Variants in THSD7B observed in about 807,000 individuals in gnomAD.
THSD7B encodes thrombospondin type 1 domain containing 7B.
THSD7B carries 138 observed loss-of-function variants against 213.6 expected under a neutral mutation model. That is an observed-to-expected ratio of 0.65 (90% confidence interval 0.56 to 0.74). The LOEUF is 0.74. Among genes scored for constraint, THSD7B ranks in the 30% least tolerant of loss-of-function variants. The pLI, the probability that THSD7B is intolerant of heterozygous loss-of-function variation, is 0.00. For synonymous variants in THSD7B, 742 were observed against 687.0 expected, an observed-to-expected ratio of 1.08 and a Z score of -1.25; for missense variants, 1,931 against 1,991.5, an observed-to-expected ratio of 0.97 and a Z score of 0.58.
At chr2:137,569,969 TGTGCAGGCAGGAAGGGAAGC>T (rs1681320775) in intron 16 of THSD7B, among the ~76,000 whole-genome samples, 1 of 152,110 alleles carries the variant, frequency 6.6e-6, no homozygotes, top group South Asian at 2.1e-4. Flanking sequence ...CAGCAGATAG[TGTGCAGGCAGGAAGGGAAGC>T]AATTTCCAGT....
intron 10 of THSD7B, among the ~76,000 whole-genome samples, chr2:137,258,176 TGTA>T (rs1395750956): frequency 6.6e-6 from 1 of 152,252 alleles, no homozygotes; most frequent in African/African-American, 2.4e-5. Flanking sequence ...TTAATTTTAA[TGTA>T]GTTGAATTTA....
At chr2:137,576,305 C>A (rs1339359605) in intron 17 of THSD7B, among the ~76,000 whole-genome samples, 6 of 152,074 alleles carry the variant, frequency 3.9e-5, no homozygotes, top group Admixed American at 1.3e-4. Context: ...ACTTTGCAAA[C>A]CCACTCCAGA....
At chr2:137,408,875 A>T (rs186572255) in intron 13 of THSD7B, among the ~76,000 whole-genome samples, 5 of 152,284 alleles carry the variant, frequency 3.3e-5, no homozygotes, top group Non-Finnish European at 7.4e-5. Context: ...TTTTGATCTG[A>T]AGGAGAAGTA....
chr2:137,125,370 A>C (rs878977375), intron 5 of THSD7B, among the ~76,000 whole-genome samples: 6 of 152,200 alleles, frequency 3.9e-5, no homozygotes, highest in Admixed American at 1.3e-4. Flanking sequence ...AATAATGTTG[A>C]GAGCATCTTC....
At chr2:137,633,458 T>C (rs991906304) in intron 20 of THSD7B, among the ~76,000 whole-genome samples, 1 of 152,202 alleles carries the variant, frequency 6.6e-6, no homozygotes, top group Admixed American at 6.5e-5. Context: ...CTAAGTGCAA[T>C]TCTCAAACTA....
Position 137,546,466 on chromosome 2 carries a change from A to ATATATAT in THSD7B, c.3139-16754_3139-16748dup, listed in dbSNP as rs1193775209. 5.7e-3 allele frequency among the ~76,000 whole-genome samples: 128 copies of ATATATAT among 22,598 alleles called. 4 individuals carry two copies. The highest frequency in any genetic ancestry group is 0.045 in the African/African-American group (118 of 2,646). 14.8% of individuals were successfully genotyped at this position (22,598 alleles called of 152,430 possible). A position where few individuals can be genotyped will look rare whatever the true frequency, so the allele number is the denominator to read the frequency against. On this transcript the variant is annotated intron_variant, in intron 15 of 27. Transcript: ENST00000409968. ...ATATTATATATATATTATATATAAT[A>ATATATAT]TATATATATATAATATATATATATA... is the stretch of plus-strand genomic sequence containing the variant.
chr2:136,881,541 C>G (rs1573686421), intron 1 of THSD7B, among the ~76,000 whole-genome samples: 1 of 152,100 alleles, frequency 6.6e-6, no homozygotes, highest in African/African-American at 2.4e-5. Flanking sequence ...AATAAACGTT[C>G]TAGCAGTCAA....
chr2:136,917,486 G>C (rs986707585), intron 2 of THSD7B, among the ~76,000 whole-genome samples: 3 of 152,120 alleles, frequency 2.0e-5, no homozygotes, highest in African/African-American at 7.2e-5. Flanking sequence ...AGCTGGGGGT[G>C]GGGTGGAACT....
chr2:137,352,409 T>C (rs1346567156), intron 12 of THSD7B, among the ~76,000 whole-genome samples: 4 of 151,998 alleles, frequency 2.6e-5, no homozygotes, highest in Non-Finnish European at 5.9e-5. Flanking sequence ...AACTTGTTCA[T>C]TTCCCTGCTC....
intron 5 of THSD7B, among the ~76,000 whole-genome samples, chr2:137,130,979 G>A (rs1688719388): frequency 6.6e-6 from 1 of 151,602 alleles, no homozygotes; most frequent in Non-Finnish European, 1.5e-5. Flanking sequence ...GGTTGAACTA[G>A]TTTACAGTCC....
At chr2:137,636,664 C>A (rs1265757496) in intron 20 of THSD7B, among the ~76,000 whole-genome samples, 1 of 152,056 alleles carries the variant, frequency 6.6e-6, no homozygotes, top group Non-Finnish European at 1.5e-5. Flanking sequence ...CATGAATTGT[C>A]TTCAAGTAAT....
At chr2:137,363,593 G>A (rs1039533697) in intron 12 of THSD7B, among the ~76,000 whole-genome samples, 1 of 152,188 alleles carries the variant, frequency 6.6e-6, no homozygotes, top group Admixed American at 6.5e-5. Flanking sequence ...ACTACCATCA[G>A]AGAATACTAT....
chr2:137,144,312 T>A (rs1679648666), intron 5 of THSD7B, among the ~76,000 whole-genome samples: 1 of 152,104 alleles, frequency 6.6e-6, no homozygotes, highest in Non-Finnish European at 1.5e-5. Context: ...CAAATATACA[T>A]CAAATTGTTG....
intron 9 of THSD7B, among the ~76,000 whole-genome samples, chr2:137,235,068 T>C (rs1342889534): frequency 1.3e-5 from 2 of 152,158 alleles, no homozygotes; most frequent in African/African-American, 4.8e-5. Flanking sequence ...TAACATTTAG[T>C]ATCACCTGCT....
intron 17 of THSD7B, among the ~76,000 whole-genome samples, chr2:137,589,776 T>C (rs1057090523): frequency 2.0e-5 from 3 of 152,204 alleles, no homozygotes; most frequent in South Asian, 2.1e-4. Flanking sequence ...ACTTATTTAG[T>C]TGGGAAGAGC....
chr2:137,665,372 CTA>C (rs1423782193), intron 26 of THSD7B, among the ~76,000 whole-genome samples: 1 of 151,936 alleles, frequency 6.6e-6, no homozygotes, highest in African/African-American at 2.4e-5. Context: ...GTGTGTGTGT[CTA>C]TGTGTGTCTA....
intron 3 of THSD7B, among the ~76,000 whole-genome samples, chr2:137,060,188 G>C (rs771486397): frequency 1.3e-5 from 2 of 152,052 alleles, no homozygotes; most frequent in Non-Finnish European, 2.9e-5. Context: ...CTATTCAGAT[G>C]TTTTGTCTAT....
intron 10 of THSD7B, among the ~76,000 whole-genome samples, chr2:137,251,001 C>A (rs753257431): frequency 5.9e-5 from 9 of 152,284 alleles, no homozygotes; most frequent in African/African-American, 2.2e-4. Context: ...GTTTTGTGTT[C>A]CTCTGAAGGA....
At chr2:136,792,335 T>C (rs1681980674) in intron 1 of THSD7B, among the ~76,000 whole-genome samples, 1 of 151,908 alleles carries the variant, frequency 6.6e-6, no homozygotes. Flanking sequence ...AGTGAAAAGA[T>C]CAGTGGTTGC....
Sources: allele counts gnomAD v4.1 joint callset (sites outside exome capture counted in the v4.1 genomes callset), GRCh38; gene constraint gnomAD v4.1.1; transcripts MANE v1.5; gene names NCBI Gene and HGNC (gene_info 2026-07-23, HGNC 2026-07-21).